Variants in TNFSF4 observed in about 807,000 individuals in gnomAD.
The protein encoded by TNFSF4 is TNF superfamily member 4.
In TNFSF4, 4 loss-of-function variants were observed where a neutral mutation model predicts 7.3. The ratio of observed to expected loss-of-function variants is 0.55; its 90% CI spans 0.27 to 1.25. The LOEUF is 1.25. Among genes scored for constraint, TNFSF4 ranks in the 50% most tolerant of loss-of-function variants. The pLI is 0.12. For synonymous variants in TNFSF4, 76 were observed against 83.7 expected, an observed-to-expected ratio of 0.91 and a Z score of 0.50; for missense variants, 181 against 208.8, an observed-to-expected ratio of 0.87 and a Z score of 0.82.
chr1:173,255,978 G>A, the TNFSF4 span, among the ~76,000 whole-genome samples: 1 of 152,158 alleles, frequency 6.6e-6, no homozygotes. Context: ...GGAAAAGAGA[G>A]GGTAGTTCTT....
chr1:173,424,279 A>G, the TNFSF4 span, among the ~76,000 whole-genome samples: 2 of 152,216 alleles, frequency 1.3e-5, no homozygotes, highest in Non-Finnish European at 2.9e-5. Context: ...AGTGCTTCTC[A>G]TGGGCAAGAC....
chr1:173,274,124 T>TAC, the TNFSF4 span, among the ~76,000 whole-genome samples: 5,253 of 145,456 alleles, frequency 0.036, 218 homozygotes, highest in African/African-American at 0.1. Context: ...TCCATGTTCA[T>TAC]ACACACACAC....
At chr1:173,248,183 G>A in the TNFSF4 span, among the ~76,000 whole-genome samples, 13 of 151,884 alleles carry the variant, frequency 8.6e-5, no homozygotes, top group African/African-American at 2.4e-4. Flanking sequence ...TCGAAATCCC[G>A]TCTCTATGAA....
At chr1:173,309,977 T>C in the TNFSF4 span, among the ~76,000 whole-genome samples, 1 of 151,956 alleles carries the variant, frequency 6.6e-6, no homozygotes, top group Non-Finnish European at 1.5e-5. Context: ...AAGTTGTTCA[T>C]AATGTTCATA....
chr1:173,208,876 T>C (rs1443980421), upstream of TNFSF4, among the ~76,000 whole-genome samples: 1 of 150,292 alleles, frequency 6.7e-6, no homozygotes, highest in South Asian at 2.1e-4. Context: ...ATAAATACTA[T>C]TGGAAACTAG....
chr1:173,400,392 T>C, the TNFSF4 span, among the ~76,000 whole-genome samples: 3 of 152,204 alleles, frequency 2.0e-5, no homozygotes, highest in African/African-American at 7.2e-5. Context: ...AATCAAAGGA[T>C]AGGAACAGGA....
the TNFSF4 span, among the ~76,000 whole-genome samples, chr1:173,256,071 G>A: frequency 6.6e-6 from 1 of 152,178 alleles, no homozygotes; most frequent in African/African-American, 2.4e-5. Context: ...TAAATAGTAG[G>A]AAGACAGCAA....
the TNFSF4 span, among the ~76,000 whole-genome samples, chr1:173,283,880 T>C: frequency 1.3e-5 from 2 of 150,124 alleles, no homozygotes; most frequent in African/African-American, 2.5e-5. Context: ...GGTCAAAAGG[T>C]TGAAAGTTAG....
At chr1:173,438,184 A>G in the TNFSF4 span, among the ~76,000 whole-genome samples, 4 of 152,196 alleles carry the variant, frequency 2.6e-5, no homozygotes, top group Non-Finnish European at 5.9e-5. Flanking sequence ...ATTGTCCACC[A>G]AAGTCTACCA....
At chr1:173,363,327 A>G in the TNFSF4 span, 1 of 288,976 alleles carries the variant, frequency 3.5e-6, no homozygotes, top group Non-Finnish European at 7.0e-6. Flanking sequence ...TTCCTAAAAG[A>G]TTACATTTAT....
chr1:173,264,953 T>A, the TNFSF4 span, among the ~76,000 whole-genome samples: 1 of 152,210 alleles, frequency 6.6e-6, no homozygotes, highest in Admixed American at 6.5e-5. Context: ...TAAATTTGAA[T>A]TCAGACCATC....
At chr1:173,437,863 A>T in the TNFSF4 span, among the ~76,000 whole-genome samples, 1 of 152,206 alleles carries the variant, frequency 6.6e-6, no homozygotes, top group African/African-American at 2.4e-5. Context: ...TAGTTTTCTT[A>T]TTCTTCCATC....
the TNFSF4 span, chr1:173,440,766 T>C: frequency 6.6e-6 from 1 of 152,228 alleles, no homozygotes. Flanking sequence ...AATAGGTTTA[T>C]TTTTTAATAA....
the TNFSF4 span, among the ~76,000 whole-genome samples, chr1:173,335,819 C>T: frequency 6.6e-6 from 1 of 152,110 alleles, no homozygotes; most frequent in African/African-American, 2.4e-5. Flanking sequence ...CTATTTCTAC[C>T]AGCCTTCCCT....
At chr1:173,242,230 C>A in the TNFSF4 span, among the ~76,000 whole-genome samples, 1 of 152,146 alleles carries the variant, frequency 6.6e-6, no homozygotes, top group African/African-American at 2.4e-5. Context: ...AATACTCACT[C>A]TCCTTTTAAA....
chr1:173,421,211 G>A, the TNFSF4 span, among the ~76,000 whole-genome samples: 3 of 151,958 alleles, frequency 2.0e-5, no homozygotes, highest in Non-Finnish European at 2.9e-5. Context: ...GCACCATTAG[G>A]GACATAGTTA....
chr1:173,242,924 T>C, the TNFSF4 span, among the ~76,000 whole-genome samples: 1 of 142,976 alleles, frequency 7.0e-6, no homozygotes, highest in Non-Finnish European at 1.5e-5. Context: ...CTTTGTTATA[T>C]TAGAAAGCTA....
chr1:173,446,950 A>G, the TNFSF4 span, among the ~76,000 whole-genome samples: 1 of 152,160 alleles, frequency 6.6e-6, no homozygotes, highest in African/African-American at 2.4e-5. Flanking sequence ...ATACTCCCTA[A>G]TAAACTCCCC....
chr1:173,333,745 T>A, the TNFSF4 span, among the ~76,000 whole-genome samples: 2 of 152,154 alleles, frequency 1.3e-5, no homozygotes, highest in African/African-American at 4.8e-5. Flanking sequence ...AGAAAAAATT[T>A]CTGTTGTCTA....
Sources: allele counts gnomAD v4.1 joint callset (sites outside exome capture counted in the v4.1 genomes callset), GRCh38; gene constraint gnomAD v4.1.1; transcripts MANE v1.5; gene names NCBI Gene and HGNC (gene_info 2026-07-23, HGNC 2026-07-21).